RRM2: variants seen among roughly 807,000 people sequenced by gnomAD.
The protein encoded by RRM2 is ribonucleoside-diphosphate reductase subunit M2.
RRM2 carries 6 observed loss-of-function variants against 45.9 expected under a neutral mutation model. That is an observed-to-expected ratio of 0.13 (90% CI 0.07 to 0.26). The LOEUF is 0.26. Ranked by LOEUF, RRM2 falls within the 10% of genes least tolerant of loss-of-function variation. The pLI is 1.00. For missense variants in RRM2, 343 were observed against 489.5 expected (o/e 0.70, Z 2.82); for synonymous variants, 177 against 173.0 (o/e 1.02, Z -0.18).
At chr2:10,180,869 C>A (rs145983860) in intron 3 of RRM2, among the ~76,000 whole-genome samples, 1 of 152,132 alleles carries the variant, frequency 6.6e-6, no homozygotes, top group East Asian at 1.9e-4. Flanking sequence ...CAGGTTCAAG[C>A]GATTCTTGTG....
Position 10,130,504 on chromosome 2 carries a change from C to T in RRM2, c.*1118C>T, listed in dbSNP as rs1283344483. 2 of 152,142 alleles carry T rather than the reference C, an allele frequency of 1.3e-5. No homozygotes were observed. Among genetic ancestry groups the T allele is most frequent in the East Asian group, 3.8e-4 (2 of 5,206 alleles). 9.4% of individuals were successfully genotyped at this position (152,142 alleles called of 1,614,324 possible). ...TTTTACCTGTAGTTCATACTTCAGT[C>T]ACCCAGTGTCTTATTCTGGCATTGT... On this transcript the variant is annotated 3_prime_UTR_variant, in exon 10 of 10. Coordinates refer to ENST00000304567, the MANE Select transcript of RRM2 (RefSeq NM_001034.4).
At chr2:10,209,473 CTTCTT>C (rs1422494506) in intron 3 of RRM2, among the ~76,000 whole-genome samples, 5 of 152,196 alleles carry the variant, frequency 3.3e-5, no homozygotes, top group Non-Finnish European at 5.9e-5. Context: ...TGCCCAGTCT[CTTCTT>C]TTCTTGTGGG....
At position 10,124,842 on chromosome 2, in the gene RRM2, C is replaced by T. The variant is rs138652606; in HGVS notation, c.561C>T (p.Pro187=). The change falls in exon 5 of 10, where the codon CCC becomes CCT. Residue 187 remains proline, a synonymous_variant. Coordinates refer to ENST00000304567, the MANE Select transcript of RRM2 (RefSeq NM_001034.4). ...SLLIDTYIKD[P]KEREFLFNAI... is the part of the protein sequence containing the mutation. ...TTATTGACACTTACATAAAAGATCC[C>T]AAAGAAAGGTGAGTATTCAAGTGGT... The T allele has an allele frequency of 1.3e-6, 2 of 1,596,874 alleles. No homozygotes were observed. The highest frequency in any genetic ancestry group is 1.1e-5 in the South Asian group (1 of 89,866).
Position 10,126,959 on chromosome 2 carries a change from G to C in RRM2, c.654G>C (p.Glu218Asp). 6.2e-7 allele frequency: 1 copy of C among 1,614,034 alleles called. No homozygotes were observed. The highest frequency in any genetic ancestry group is 8.5e-7 in the Non-Finnish European group (1 of 1,179,936). ...DWALRWIGDK[E>D]ATYGERVVAF... ...CCTTGCGCTGGATTGGGGACAAAGA[G>C]GCTACCTATGGTAAGGAGACCCTTG... Residue 218 changes from glutamate (E) to aspartate (D), a missense_variant, in exon 6 of 10, where the codon GAG (glutamate) becomes GAC (aspartate). Around this residue, in one of 2 missense-constraint regions of RRM2, gnomAD observed 212 missense variants for 368.1 expected, o/e 0.58. Transcript: ENST00000304567.
At chr2:10,190,611 G>A (rs1334885983) in intron 3 of RRM2, among the ~76,000 whole-genome samples, 1 of 151,404 alleles carries the variant, frequency 6.6e-6, no homozygotes, top group Non-Finnish European at 1.5e-5. Context: ...GGCGATGATG[G>A]TGGTAATGAT....
In RRM2 at chr2:10,185,158, T is replaced by TAAC. The variant is rs1415030843; in HGVS notation, n.483-25150_483-25148dup. Among the ~76,000 whole-genome samples, 1 of 152,354 alleles carries TAAC rather than the reference T, an allele frequency of 6.6e-6. No individual in the cohort carries two copies. Among genetic ancestry groups the TAAC allele is most frequent in the East Asian group, 1.9e-4 (1 of 5,194 alleles). On this transcript the variant is annotated intron_variant and non_coding_transcript_variant, in intron 3 of 3. Coordinates refer to the RRM2 transcript ENST00000381786. The surrounding 1 kb of genome is among the most constrained non-coding windows in gnomAD (Gnocchi z 4.3). ...TATTTTCCCTTTTGTATCAGTATTTTAACAAATGCTTTGGATTTCCTCCAC... is the reference window on the plus strand; with the variant it reads ...TATTTTCCCTTTTGTATCAGTATTTTAACAACAAATGCTTTGGATTTCCTCCAC...
At chr2:10,202,420 G>T (rs188625342) in intron 3 of RRM2, among the ~76,000 whole-genome samples, 38 of 152,318 alleles carry the variant, frequency 2.5e-4, no homozygotes, top group Non-Finnish European at 5.0e-4. Context: ...ATGAAAAGCG[G>T]CTCAACAGTC....
At chr2:10,170,562 G>T (rs75915965) in intron 3 of RRM2, among the ~76,000 whole-genome samples, 2 of 152,136 alleles carry the variant, frequency 1.3e-5, no homozygotes, top group African/African-American at 4.8e-5. Flanking sequence ...CCAAGGAGGC[G>T]CCTGGGCAGC....
Position 10,123,808 on chromosome 2 carries a change from C to T in RRM2, c.391C>T (p.Leu131=). Residue 131 remains leucine, a synonymous_variant, in exon 4 of 10, where the codon CTG becomes TTG. Transcript: ENST00000304567. ...PEERYFISHV[L]AFFAASDGIV... ...GGAGAGATATTTTATATCCCATGTT[C>T]TGGCTTTCTTTGCAGCAAGCGATGG... The T allele has an allele frequency of 6.2e-7, 1 of 1,612,266 alleles. No homozygotes were observed. Among genetic ancestry groups the T allele is most frequent in the Non-Finnish European group, 8.5e-7 (1 of 1,178,278 alleles).
At chr2:10,143,487 C>T (rs1663127138) in intron 3 of RRM2, among the ~76,000 whole-genome samples, 2 of 152,348 alleles carry the variant, frequency 1.3e-5, no homozygotes, top group South Asian at 2.1e-4. Context: ...CCGGTGTGCT[C>T]AGCCAGCACC....
chr2:10,142,092 C>T (rs1663096135), intron 2 of RRM2: 2 of 1,585,950 alleles, frequency 1.3e-6, no homozygotes, highest in South Asian at 2.3e-5. Context: ...GGGAGGAAAG[C>T]ATGTTTCAGG....
downstream of RRM2, among the ~76,000 whole-genome samples, chr2:10,135,383 A>T (rs1431491230): frequency 1.3e-5 from 2 of 152,208 alleles, no homozygotes; most frequent in African/African-American, 4.8e-5. Flanking sequence ...AGGTCTTTAT[A>T]CTATTAGGCC....
chr2:10,142,103 C>A, intron 2 of RRM2: 3 of 1,564,392 alleles, frequency 1.9e-6, no homozygotes, highest in Non-Finnish European at 2.6e-6. Context: ...ATGTTTCAGG[C>A]GGAGGGTGGG....
chr2:10,123,574 C>A, intron 3 of RRM2, 44 bp downstream of exon 3: 1 of 1,578,564 alleles, frequency 6.3e-7, no homozygotes, highest in Non-Finnish European at 8.6e-7. Context: ...GTGACCGTCA[C>A]GCCTCAGACA....
At chr2:10,192,452 T>C (rs1664328636) in intron 3 of RRM2, among the ~76,000 whole-genome samples, 1 of 152,146 alleles carries the variant, frequency 6.6e-6, no homozygotes, top group Middle Eastern at 3.2e-3. Flanking sequence ...GAACACACTT[T>C]GGGAAGCCTT....
At position 10,205,984 on chromosome 2, in the gene RRM2, C is replaced by T. The variant is rs544310874; in HGVS notation, n.483-4327C>T. Among the ~76,000 whole-genome samples the T allele has an allele frequency of 4.1e-4, 63 of 152,226 alleles. No individual in the cohort carries two copies. Among genetic ancestry groups the T allele is most frequent in the African/African-American group, 1.4e-3 (60 of 41,562 alleles). Reference sequence around the variant, plus strand: ...CTGGGATTACAGGCATGAGCCACTGCGCCTGGCCAAGAGGGTGTCTGGGAG... The same window carrying T: ...CTGGGATTACAGGCATGAGCCACTGTGCCTGGCCAAGAGGGTGTCTGGGAG... On this transcript the variant is annotated intron_variant and non_coding_transcript_variant, in intron 3 of 3. Transcript: ENST00000381786. This position sits in a 1 kb window ranked among gnomAD's most constrained non-coding sequence, Gnocchi z 4.8.
chr2:10,138,544 C>T (rs561513642), upstream of RRM2, among the ~76,000 whole-genome samples: 79 of 152,220 alleles, frequency 5.2e-4, 1 homozygote, highest in Admixed American at 3.1e-3. Flanking sequence ...CTCAAGTGAT[C>T]TGCCCATATT....
At chr2:10,125,268 A>G (rs1009455156) in intron 5 of RRM2, among the ~76,000 whole-genome samples, 5 of 152,216 alleles carry the variant, frequency 3.3e-5, no homozygotes, top group African/African-American at 1.2e-4. Context: ...TAGGAGTTAC[A>G]TAAGGCAGAG....
In RRM2 at chr2:10,123,442, C is replaced by G. The variant is rs776064246; in HGVS notation, c.230C>G (p.Pro77Arg). ...GATGAGCCGCTGCTGAGAGAAAACCCCCGCCGCTTTGTCATCTTCCCCATC... is the reference window on the plus strand; with the variant it reads ...GATGAGCCGCTGCTGAGAGAAAACCGCCGCCGCTTTGTCATCTTCCCCATC... ...VEDEPLLREN[P>R]RRFVIFPIEY... Residue 77 changes from proline (P) to arginine (R), a missense_variant, in exon 3 of 10, where the codon CCC becomes CGC. By Grantham distance (103) the Pro-to-Arg change is moderately radical (BLOSUM62 -2). Coordinates refer to ENST00000304567, the MANE Select transcript of RRM2 (RefSeq NM_001034.4). 1 of 1,614,188 alleles carries G rather than the reference C, an allele frequency of 6.2e-7. No homozygotes were observed. The highest frequency in any genetic ancestry group is 1.1e-5 in the South Asian group (1 of 91,092).
Sources: gnomAD v4.1 joint callset for allele counts (sites outside exome capture counted in the v4.1 genomes callset) on GRCh38, gnomAD v4.1.1 for gene constraint, gnomAD v4.1.1 regional missense constraint, Gnocchi (gnomAD v3.1) non-coding constraint, MANE v1.5 for transcripts, NCBI Gene and HGNC (gene_info 2026-07-23, HGNC 2026-07-21) for gene names.